Variants in NEBL observed in about 807,000 individuals in gnomAD.
NEBL encodes the protein nebulette, also known as LIM and SH3 protein 2.
In NEBL, 122 loss-of-function variants were observed where a neutral mutation model predicts 140.2. The ratio of observed to expected loss-of-function variants is 0.87; its 90% CI spans 0.75 to 1.01. NEBL has a LOEUF of 1.01. Ranked by LOEUF, NEBL falls within the 50% of genes least tolerant of loss-of-function variation. The probability of loss-of-function intolerance (pLI) is 0.00; values close to 1 mark genes in which losing one functional copy is unlikely to be tolerated. For missense variants in NEBL, 1,365 were observed against 1,231.3 expected (o/e 1.11, Z -1.62); for synonymous variants, 436 against 398.9 (o/e 1.09, Z -1.11).
chr10:20,825,428 G>A (rs542297671), intron 18 of NEBL, among the ~76,000 whole-genome samples: 42 of 152,100 alleles, frequency 2.8e-4, no homozygotes, highest in Admixed American at 1.6e-3. Context: ...AGGCTGAAGC[G>A]GGAGGATCAC....
chr10:20,878,887 A>G (rs1845755837), intron 5 of NEBL, among the ~76,000 whole-genome samples: 1 of 152,204 alleles, frequency 6.6e-6, no homozygotes, highest in Admixed American at 6.5e-5. Flanking sequence ...AGTTAAAATA[A>G]TAAGCCCAGT....
chr10:21,129,392 A>G (rs1838993499), intron 2 of NEBL, among the ~76,000 whole-genome samples: 1 of 152,180 alleles, frequency 6.6e-6, no homozygotes, highest in African/African-American at 2.4e-5. Context: ...GAATACAGGC[A>G]TGTGCCACTA....
At chr10:20,813,036 T>G (rs1838335114) in intron 23 of NEBL, 96 bp from the exon 24 acceptor site, 1 of 1,018,358 alleles carries the variant, frequency 9.8e-7, no homozygotes, top group Admixed American at 1.9e-5. Context: ...ACTGGCTGCG[T>G]GCAGATTGTC....
chr10:21,179,573 C>G (rs1478043261), upstream of NEBL, among the ~76,000 whole-genome samples: 2 of 152,182 alleles, frequency 1.3e-5, no homozygotes, highest in Non-Finnish European at 2.9e-5. Context: ...CACCTCCTCA[C>G]TCGGTGCTCT....
chr10:21,275,168 G>T (rs1271238514), intron 1 of NEBL, among the ~76,000 whole-genome samples: 1 of 152,186 alleles, frequency 6.6e-6, no homozygotes, highest in Non-Finnish European at 1.5e-5. Context: ...GCGGCCTCAT[G>T]AGCGACCCTG....
chr10:21,140,932 CAT>C (rs780973205), intron 2 of NEBL, among the ~76,000 whole-genome samples: 7 of 151,606 alleles, frequency 4.6e-5, no homozygotes, highest in South Asian at 2.1e-4. Flanking sequence ...ATGTTCTGCA[CAT>C]GTTTCCCAGA....
chr10:20,905,738 G>T (rs1208030040), intron 4 of NEBL, among the ~76,000 whole-genome samples: 1 of 152,170 alleles, frequency 6.6e-6, no homozygotes, highest in Admixed American at 6.5e-5. Flanking sequence ...AGAGTTGAAA[G>T]AACCAAAAGT....
chr10:20,844,075 A>C (rs975430496), intron 12 of NEBL, among the ~76,000 whole-genome samples: 3 of 152,148 alleles, frequency 2.0e-5, no homozygotes, highest in African/African-American at 7.2e-5. Context: ...GAAGTGAGAA[A>C]AGATAGTGCA....
At chr10:21,186,327 T>C (rs946181280) in intron 3 of NEBL, among the ~76,000 whole-genome samples, 40 of 149,662 alleles carry the variant, frequency 2.7e-4, no homozygotes, top group Admixed American at 2.5e-3. Flanking sequence ...AATATATGCG[T>C]TGAAGTCCTA....
intron 1 of NEBL, among the ~76,000 whole-genome samples, chr10:21,290,769 A>G (rs1207020958): frequency 6.6e-6 from 1 of 152,162 alleles, no homozygotes; most frequent in Non-Finnish European, 1.5e-5. Context: ...AATTCCCTTG[A>G]AAATTATTTA....
At chr10:21,273,878 C>A (rs1297656619) in intron 1 of NEBL, among the ~76,000 whole-genome samples, 1 of 152,192 alleles carries the variant, frequency 6.6e-6, no homozygotes, top group Non-Finnish European at 1.5e-5. Context: ...AATTTGCTTA[C>A]CCCTGCAGCA....
chr10:21,289,398 C>G (rs1843111934), intron 1 of NEBL, among the ~76,000 whole-genome samples: 1 of 152,208 alleles, frequency 6.6e-6, no homozygotes, highest in African/African-American at 2.4e-5. Flanking sequence ...TCAACCCAAA[C>G]CAGCAGCAAT....
At chr10:20,857,867 A>G (rs1196175637) in intron 9 of NEBL, among the ~76,000 whole-genome samples, 1 of 152,166 alleles carries the variant, frequency 6.6e-6, no homozygotes, top group Non-Finnish European at 1.5e-5. Context: ...CTGAAGGCGT[A>G]CTAAATACAA....
intron 2 of NEBL, among the ~76,000 whole-genome samples, chr10:21,060,026 A>G (rs1649582393): frequency 6.6e-6 from 1 of 152,236 alleles, no homozygotes; most frequent in African/African-American, 2.4e-5. Context: ...GTTCTGCCAA[A>G]TACAAATATT....
intron 2 of NEBL, among the ~76,000 whole-genome samples, chr10:21,076,295 A>G (rs1006361749): frequency 6.6e-6 from 1 of 152,090 alleles, no homozygotes; most frequent in Admixed American, 6.5e-5. Flanking sequence ...ATACAAAAAA[A>G]TTAGCCAGGC....
intron 2 of NEBL, among the ~76,000 whole-genome samples, chr10:21,165,322 G>C (rs1018980498): frequency 2.0e-5 from 3 of 152,202 alleles, no homozygotes; most frequent in Non-Finnish European, 2.9e-5. Flanking sequence ...GTTCATTACA[G>C]ATCAGAAAAC....
chr10:20,870,200 C>T, intron 5 of NEBL, among the ~76,000 whole-genome samples: 1 of 151,598 alleles, frequency 6.6e-6, no homozygotes, highest in East Asian at 1.9e-4. Context: ...GGTGTGTGCG[C>T]CTGTAATCCC....
chr10:21,220,693 T>A (rs1204032416), intron 3 of NEBL, among the ~76,000 whole-genome samples: 1 of 152,076 alleles, frequency 6.6e-6, no homozygotes, highest in African/African-American at 2.4e-5. Flanking sequence ...AAGGAAACAA[T>A]CAACAGAGTG....
intron 4 of NEBL, among the ~76,000 whole-genome samples, chr10:20,949,538 C>T (rs1211219095): frequency 6.6e-6 from 1 of 152,204 alleles, no homozygotes; most frequent in Non-Finnish European, 1.5e-5. Context: ...GCCAGAGTTT[C>T]ACTTTCAAAC....
Sources: allele counts gnomAD v4.1 joint callset (sites outside exome capture counted in the v4.1 genomes callset), GRCh38; gene constraint gnomAD v4.1.1; transcripts MANE v1.5; gene names NCBI Gene and HGNC (gene_info 2026-07-23, HGNC 2026-07-21).